PCTP: variants seen among roughly 807,000 people sequenced by gnomAD.
The protein encoded by PCTP is START domain-containing protein 2.
Under a neutral mutation model 31.0 loss-of-function variants are expected in PCTP, and 27 were observed. That is an observed-to-expected ratio of 0.87 (90% CI 0.64 to 1.20). The LOEUF (loss-of-function observed/expected upper bound fraction) is 1.20. Ranked by LOEUF, PCTP falls within the 50% of genes most tolerant of loss-of-function variation. PCTP has a pLI of 0.00. For missense variants in PCTP, 287 were observed against 268.2 expected, an observed-to-expected ratio of 1.07 and a Z score of -0.49; for synonymous variants, 108 against 101.2, an observed-to-expected ratio of 1.07 and a Z score of -0.40.
intron 3 of PCTP, among the ~76,000 whole-genome samples, chr17:55,808,679 C>T (rs7217693): frequency 0.027 from 4,085 of 152,238 alleles, 183 homozygotes; most frequent in African/African-American, 0.094. Flanking sequence ...TTCTCTCTGT[C>T]CAAAGCTTAG....
At chr17:55,837,960 G>A (rs1433228928) in intron 5 of PCTP, among the ~76,000 whole-genome samples, 1 of 151,538 alleles carries the variant, frequency 6.6e-6, no homozygotes. Flanking sequence ...AATATAGAAA[G>A]ACCTAATCTC....
downstream of PCTP, among the ~76,000 whole-genome samples, chr17:55,847,401 CA>C (rs374402799): frequency 1.2e-4 from 18 of 152,272 alleles, 1 homozygote; most frequent in South Asian, 3.7e-3. Flanking sequence ...GTGATTGGAT[CA>C]GGGGGGCGTT....
chr17:55,767,441 A>T lies in PCTP; in HGVS notation c.248A>T (p.Gln83Leu). ...MDSDYRKQWDQYVKELYEQEC... is the reference protein window; with the variant it reads ...MDSDYRKQWDLYVKELYEQEC... Reference sequence around the variant, plus strand: ...TCAGATTACAGAAAACAATGGGACCAGTATGTTAAAGGTGAGTGATGCTTG... The same window carrying T: ...TCAGATTACAGAAAACAATGGGACCTGTATGTTAAAGGTGAGTGATGCTTG... Residue 83 changes from glutamine (Q) to leucine (L), a missense_variant, in exon 2 of 6, where the codon CAG becomes CTG. Gln to Leu is a moderately radical substitution (Grantham distance 113). Coordinates refer to ENST00000268896, the MANE Select transcript of PCTP (RefSeq NM_021213.4). 1.3e-6 allele frequency: 2 copies of T among 1,597,424 alleles called. No homozygotes were observed. Among genetic ancestry groups the T allele is most frequent in the Non-Finnish European group, 1.7e-6 (2 of 1,166,880 alleles).
chr17:55,843,411 C>T (rs1906048249), downstream of PCTP, among the ~76,000 whole-genome samples: 1 of 152,154 alleles, frequency 6.6e-6, no homozygotes, highest in South Asian at 2.1e-4. Flanking sequence ...ATCTACCTCT[C>T]CAGACTCATC....
chr17:55,776,617 C>T lies in PCTP; in HGVS notation c.*517C>T, dbSNP rs1352812685. On this transcript the variant is annotated 3_prime_UTR_variant, in exon 6 of 6. Transcript: ENST00000268896. Reference sequence around the variant, plus strand: ...CTTTCAGTGCACCCAAACTGGATGACGTGCCAATGTCCATTTGCCTTATGC... The same window carrying T: ...CTTTCAGTGCACCCAAACTGGATGATGTGCCAATGTCCATTTGCCTTATGC... 8.1e-6 allele frequency: 10 copies of T among 1,230,450 alleles called. No homozygotes were observed. The highest frequency in any genetic ancestry group is 4.3e-5 in the South Asian group (1 of 23,494). The allele number at this position is 1,230,450 out of a possible 1,614,324, so 76.2% of individuals were successfully genotyped here. A position where few individuals can be genotyped will look rare whatever the true frequency, so the allele number is the denominator to read the frequency against.
the PCTP span, among the ~76,000 whole-genome samples, chr17:55,850,583 G>A: frequency 6.8e-5 from 10 of 147,958 alleles, no homozygotes; most frequent in East Asian, 2.2e-4. Flanking sequence ...GCTAATTCCC[G>A]TCCTAGCATT....
At chr17:55,790,919 A>G (rs1911941775) in intron 3 of PCTP, among the ~76,000 whole-genome samples, 1 of 151,362 alleles carries the variant, frequency 6.6e-6, no homozygotes, top group Non-Finnish European at 1.5e-5. Context: ...ACAAGGCTAC[A>G]GTAACCAAAA....
chr17:55,753,743 C>G (rs1014513), intron 1 of PCTP, among the ~76,000 whole-genome samples: 97,597 of 152,136 alleles, frequency 0.64, 36,356 homozygotes, highest in East Asian at 0.87. Flanking sequence ...GACCGCTGTG[C>G]CATCTTCCCT....
At chr17:55,816,505 T>A (rs1912922187) in intron 3 of PCTP, among the ~76,000 whole-genome samples, 1 of 152,208 alleles carries the variant, frequency 6.6e-6, no homozygotes, top group Non-Finnish European at 1.5e-5. Flanking sequence ...TCAATATAGC[T>A]CATGAGTGGG....
chr17:55,800,424 C>T (rs537787872), intron 3 of PCTP, among the ~76,000 whole-genome samples: 1 of 152,044 alleles, frequency 6.6e-6, no homozygotes, highest in East Asian at 1.9e-4. Flanking sequence ...TCATCTGCAT[C>T]AGGTCATTTA....
chr17:55,802,006 A>G (rs1037024955), intron 3 of PCTP, among the ~76,000 whole-genome samples: 1 of 152,174 alleles, frequency 6.6e-6, no homozygotes, highest in African/African-American at 2.4e-5. Context: ...AGAATCAAAT[A>G]GACACAATAA....
intron 3 of PCTP, among the ~76,000 whole-genome samples, chr17:55,797,742 G>C (rs1912232058): frequency 6.6e-6 from 1 of 152,014 alleles, no homozygotes; most frequent in Non-Finnish European, 1.5e-5. Flanking sequence ...ATAACTGCCT[G>C]AGAGAAACAA....
intron 3 of PCTP, 115 bp from the exon 4 acceptor site, chr17:55,773,609 A>G: frequency 6.1e-6 from 6 of 976,154 alleles, no homozygotes; most frequent in Non-Finnish European, 6.1e-6. Flanking sequence ...GGTAGAAAGG[A>G]GCAAATGCCA....
downstream of PCTP, among the ~76,000 whole-genome samples, chr17:55,778,807 A>C (rs1911457826): frequency 6.6e-6 from 1 of 152,224 alleles, no homozygotes; most frequent in Admixed American, 6.5e-5. Context: ...TGGCAAAAGT[A>C]GCACTACTGT....
intron 2 of PCTP, among the ~76,000 whole-genome samples, chr17:55,785,126 C>T (rs190211984): frequency 6.6e-6 from 1 of 152,340 alleles, no homozygotes; most frequent in East Asian, 1.9e-4. Flanking sequence ...ATGTTACATC[C>T]AAGATTAAAT....
intron 3 of PCTP, among the ~76,000 whole-genome samples, chr17:55,806,098 A>G (rs1912572585): frequency 6.6e-6 from 1 of 152,144 alleles, no homozygotes; most frequent in African/African-American, 2.4e-5. Context: ...AAAGGGTCTT[A>G]AGTCCTTTAA....
chr17:55,802,411 A>C (rs904337684), intron 3 of PCTP, among the ~76,000 whole-genome samples: 6 of 152,140 alleles, frequency 3.9e-5, no homozygotes, highest in Non-Finnish European at 8.8e-5. Context: ...GAGACAGAAC[A>C]ACAACAACAA....
chr17:55,802,661 C>T (rs12051898), intron 3 of PCTP, among the ~76,000 whole-genome samples: 22,929 of 152,150 alleles, frequency 0.15, 4,030 homozygotes, highest in African/African-American at 0.42. Flanking sequence ...TGATAACATT[C>T]AACACCCTTT....
intron 1 of PCTP, among the ~76,000 whole-genome samples, chr17:55,756,625 G>A (rs888061378): frequency 6.6e-6 from 1 of 152,076 alleles, no homozygotes; most frequent in African/African-American, 2.4e-5. Context: ...TCACATAGGG[G>A]TTAATTATTT....
Sources: allele counts gnomAD v4.1 joint callset (sites outside exome capture counted in the v4.1 genomes callset), GRCh38; gene constraint gnomAD v4.1.1; transcripts MANE v1.5; gene names NCBI Gene and HGNC (gene_info 2026-07-23, HGNC 2026-07-21).